The following ITPR1 variants were observed in gnomAD, a reference collection of about 807,000 sequenced individuals.
ITPR1 encodes inositol 1,4,5-trisphosphate receptor type 1.
In ITPR1, 96 loss-of-function variants were observed where a neutral mutation model predicts 318.4. That is an observed-to-expected ratio of 0.30 (90% CI 0.26 to 0.36). The LOEUF (loss-of-function observed/expected upper bound fraction) is 0.36. ITPR1 is among the 10% of genes least tolerant of loss of function. ITPR1 has a pLI of 1.00. For missense variants in ITPR1, 2,440 were observed against 3,460.2 expected (o/e 0.71, Z 7.40); for synonymous variants, 1,312 against 1,289.9 (o/e 1.02, Z -0.37).
At chr3:4,712,282 C>T (rs151274338) in intron 39 of ITPR1, among the ~76,000 whole-genome samples, 48 of 152,328 alleles carry the variant, frequency 3.2e-4, no homozygotes, top group Non-Finnish European at 5.3e-4. Context: ...TTCAGTGCAT[C>T]AAGAAACGCC....
At chr3:4,813,946 G>A (rs572573872) in intron 57 of ITPR1, among the ~76,000 whole-genome samples, 4 of 152,210 alleles carry the variant, frequency 2.6e-5, no homozygotes, top group African/African-American at 9.6e-5. Context: ...GCATAAACCA[G>A]TGAGAATGAA....
rs1285698814 is a variant in ITPR1, at chr3:4,642,113, T to C, written c.387T>C (p.Asn129=). 25 of 1,601,394 alleles carry C rather than the reference T, an allele frequency of 1.6e-5. No homozygotes were observed. Among genetic ancestry groups the C allele is most frequent in the Non-Finnish European group, 2.0e-5 (23 of 1,174,306 alleles). ...NVIQLLHLKS[N]KYLTVNKRLP... is the part of the protein sequence containing the mutation. The stretch of plus-strand genomic sequence containing the variant: ...TTTAGCTCCTGCATTTGAAAAGTAA[T>C]AAATACCTAACAGTGAATAAGAGGC... The change falls in exon 7 of 62, where the codon AAT becomes AAC. Residue 129 remains asparagine (N), a synonymous_variant. Coordinates refer to ENST00000649015, the MANE Select transcript of ITPR1 (RefSeq NM_001378452.1).
At chr3:4,839,321 C>G (rs1373713725) in intron 61 of ITPR1, among the ~76,000 whole-genome samples, 1 of 151,202 alleles carries the variant, frequency 6.6e-6, no homozygotes, top group East Asian at 1.9e-4. Context: ...GAGTGAAATT[C>G]CATCTCAAAA....
chr3:4,718,770 T>C (rs917789118), intron 40 of ITPR1, among the ~76,000 whole-genome samples: 1 of 152,208 alleles, frequency 6.6e-6, no homozygotes, highest in Non-Finnish European at 1.5e-5. Context: ...ACCAACTTAA[T>C]TAACTGCCGT....
chr3:4,677,990 A>G (rs1202691043), intron 24 of ITPR1, among the ~76,000 whole-genome samples: 2 of 152,112 alleles, frequency 1.3e-5, no homozygotes, highest in Non-Finnish European at 2.9e-5. Flanking sequence ...CATCAACAAA[A>G]TCATCTGCTC....
intron 4 of ITPR1, among the ~76,000 whole-genome samples, chr3:4,559,160 AGTT>A (rs766663122): frequency 1.5e-3 from 154 of 101,590 alleles, no homozygotes; most frequent in Non-Finnish European, 2.6e-3. Flanking sequence ...CACCTGAAAA[AGTT>A]GTTTTTTTTT....
At chr3:4,762,603 T>C (rs756379750) in intron 44 of ITPR1, among the ~76,000 whole-genome samples, 12 of 152,352 alleles carry the variant, frequency 7.9e-5, no homozygotes, top group African/African-American at 2.6e-4. Context: ...CAGTTTGCAC[T>C]GTACTAAGCA....
intron 4 of ITPR1, among the ~76,000 whole-genome samples, chr3:4,567,726 C>G (rs924428076): frequency 1.3e-5 from 2 of 152,022 alleles, no homozygotes; most frequent in Non-Finnish European, 2.9e-5. Flanking sequence ...CTCAGCCTCA[C>G]GAGTAGCTGG....
At chr3:4,627,960 CT>C in intron 5 of ITPR1, 82 bp downstream of exon 5, 2 of 776,758 alleles carry the variant, frequency 2.6e-6, no homozygotes, top group Non-Finnish European at 4.1e-6. Context: ...TGGGAGACTG[CT>C]TATGCAACCC....
intron 4 of ITPR1, among the ~76,000 whole-genome samples, chr3:4,603,340 T>C (rs2091440600): frequency 6.6e-6 from 1 of 152,166 alleles, no homozygotes; most frequent in African/African-American, 2.4e-5. Context: ...ATCACCCAGG[T>C]TGTGAGCATA....
At chr3:4,810,503 C>T (rs922765814) in intron 55 of ITPR1, among the ~76,000 whole-genome samples, 1 of 152,232 alleles carries the variant, frequency 6.6e-6, no homozygotes, top group Non-Finnish European at 1.5e-5. Context: ...CTGTGACCTG[C>T]AGGGGTCTTA....
At chr3:4,540,256 A>G (rs1448888132) in intron 4 of ITPR1, among the ~76,000 whole-genome samples, 1 of 152,056 alleles carries the variant, frequency 6.6e-6, no homozygotes, top group Non-Finnish European at 1.5e-5. Flanking sequence ...TTTTCTTTCT[A>G]ATGGTGTTTG....
chr3:4,746,341 G>A (rs1325593706), intron 44 of ITPR1, among the ~76,000 whole-genome samples: 2 of 152,196 alleles, frequency 1.3e-5, no homozygotes, highest in Non-Finnish European at 2.9e-5. Flanking sequence ...GCCTCACGTG[G>A]TCTGGCCCCA....
chr3:4,784,770 G>A (rs986833995), intron 51 of ITPR1, among the ~76,000 whole-genome samples: 9 of 150,482 alleles, frequency 6.0e-5, no homozygotes, highest in Admixed American at 6.6e-5. Flanking sequence ...GGTGGCACAC[G>A]CCTGTAATTC....
At chr3:4,730,416 TG>T (rs11346144) in intron 42 of ITPR1, among the ~76,000 whole-genome samples, 17,162 of 108,994 alleles carry the variant, frequency 0.16, 1,793 homozygotes, top group East Asian at 0.5. Flanking sequence ...TGTGTGTGTG[TG>T]TGTTTCCCCC....
At chr3:4,495,511 T>A (rs1340531397) in intron 2 of ITPR1, among the ~76,000 whole-genome samples, 1 of 152,194 alleles carries the variant, frequency 6.6e-6, no homozygotes, top group Non-Finnish European at 1.5e-5. Flanking sequence ...TTCTTGGAGT[T>A]CTGTTGACTC....
At chr3:4,642,516 A>C (rs142425481) in intron 7 of ITPR1, among the ~76,000 whole-genome samples, 6 of 152,336 alleles carry the variant, frequency 3.9e-5, no homozygotes, top group African/African-American at 1.4e-4. Flanking sequence ...TACCACAAAA[A>C]CAGCTATTCC....
intron 4 of ITPR1, among the ~76,000 whole-genome samples, chr3:4,602,401 A>C (rs2125084495): frequency 6.6e-6 from 1 of 151,990 alleles, no homozygotes; most frequent in South Asian, 2.1e-4. Flanking sequence ...GGTGGTGTGC[A>C]CCTGTAGTCC....
intron 4 of ITPR1, among the ~76,000 whole-genome samples, chr3:4,534,462 T>C (rs1330703817): frequency 6.6e-6 from 1 of 152,194 alleles, no homozygotes; most frequent in East Asian, 1.9e-4. Context: ...TTGGGAGAGA[T>C]AAGTGGAGAG....
Sources: gnomAD v4.1 joint callset for allele counts (sites outside exome capture counted in the v4.1 genomes callset) on GRCh38, gnomAD v4.1.1 for gene constraint, MANE v1.5 for transcripts, NCBI Gene and HGNC (gene_info 2026-07-23, HGNC 2026-07-21) for gene names.